TNIK: variants seen among roughly 807,000 people sequenced by gnomAD.
TNIK encodes TRAF2 and NCK-interacting protein kinase.
Under a neutral mutation model 191.3 loss-of-function variants are expected in TNIK, and 49 were observed. That is an observed-to-expected ratio of 0.26 (90% CI 0.20 to 0.32). TNIK has a LOEUF of 0.32. Among genes scored for constraint, TNIK ranks in the 10% least tolerant of loss-of-function variants. TNIK has a pLI of 1.00. For synonymous variants in TNIK, 594 were observed against 600.9 expected, an observed-to-expected ratio of 0.99 and a Z score of 0.17; for missense variants, 1,155 against 1,702.3, an observed-to-expected ratio of 0.68 and a Z score of 5.66.
At chr3:171,421,097 GAT>G (rs1167085287) in intron 1 of TNIK, among the ~76,000 whole-genome samples, 2 of 152,166 alleles carry the variant, frequency 1.3e-5, no homozygotes, top group African/African-American at 4.8e-5. Context: ...CCATCACTAA[GAT>G]ATGAAAGACC....
intron 28 of TNIK, among the ~76,000 whole-genome samples, chr3:171,076,169 T>C (rs1355750826): frequency 6.6e-6 from 1 of 152,044 alleles, no homozygotes; most frequent in Non-Finnish European, 1.5e-5. Flanking sequence ...GAGGAACATG[T>C]CCTTCTCAGG....
intron 32 of TNIK, 65 bp from the exon 33 acceptor site, chr3:171,064,029 C>T: frequency 6.7e-7 from 1 of 1,501,688 alleles, no homozygotes; most frequent in Non-Finnish European, 9.2e-7. Flanking sequence ...CTTCAACCGT[C>T]CATCCATTTT....
At chr3:171,433,067 CTT>C (rs1725563783) in intron 1 of TNIK, among the ~76,000 whole-genome samples, 1 of 152,082 alleles carries the variant, frequency 6.6e-6, no homozygotes, top group African/African-American at 2.4e-5. Flanking sequence ...TAAAATTTAA[CTT>C]GACTCTTTTT....
intron 12 of TNIK, among the ~76,000 whole-genome samples, chr3:171,153,494 T>G (rs1332335846): frequency 6.6e-6 from 1 of 152,216 alleles, no homozygotes; most frequent in East Asian, 1.9e-4. Flanking sequence ...GTCCACAGGC[T>G]ACATTTGTCT....
rs760319253 is a variant in TNIK at position 171,264,067 on chromosome 3, TACACACACACACAC to T, written c.124-35860_124-35847del. On this transcript the variant is annotated intron_variant, in intron 2 of 32. Transcript: ENST00000436636. Reference sequence around the variant, plus strand: ...ATATGTGTGTGTGTATATATATACATACACACACACACACACACACACACACACACACACACACA... The same window carrying T: ...ATATGTGTGTGTGTATATATATACATACACACACACACACACACACACACA... Among the ~76,000 whole-genome samples, 101 of 110,818 alleles carry T rather than the reference TACACACACACACAC, an allele frequency of 9.1e-4. No individual in the cohort carries two copies. In the South Asian group the frequency reaches 0.01, roughly 11 times the overall value. The allele number at this position is 110,818 out of a possible 152,430, so 72.7% of individuals were successfully genotyped here.
intron 1 of TNIK, among the ~76,000 whole-genome samples, chr3:171,451,061 C>T (rs1256871756): frequency 6.6e-6 from 1 of 152,190 alleles, no homozygotes; most frequent in Non-Finnish European, 1.5e-5. Context: ...TAAGAGGGCC[C>T]TCAGTGACTT....
chr3:171,415,673 G>A (rs1722952525), intron 1 of TNIK, among the ~76,000 whole-genome samples: 1 of 151,934 alleles, frequency 6.6e-6, no homozygotes, highest in Non-Finnish European at 1.5e-5. Flanking sequence ...TGGACCTAAT[G>A]CCAATCAGTT....
chr3:171,068,709 A>T, intron 30 of TNIK, 139 bp downstream of exon 30: 1 of 710,106 alleles, frequency 1.4e-6, no homozygotes, highest in Non-Finnish European at 2.0e-6. Context: ...TAAAAGCAGT[A>T]TACTTAATGA....
At chr3:171,236,364 T>C (rs985476233) in intron 2 of TNIK, among the ~76,000 whole-genome samples, 3 of 152,208 alleles carry the variant, frequency 2.0e-5, no homozygotes, top group Non-Finnish European at 4.4e-5. Context: ...GGGAAAGCTA[T>C]GTGATCTGAT....
intron 2 of TNIK, among the ~76,000 whole-genome samples, chr3:171,288,636 G>A (rs1257752857): frequency 2.0e-5 from 3 of 151,872 alleles, no homozygotes; most frequent in Non-Finnish European, 2.9e-5. Context: ...GTAAAACCCC[G>A]TCTCTACTAA....
At chr3:171,177,109 C>CT (rs80076554) in intron 8 of TNIK, among the ~76,000 whole-genome samples, 16,170 of 145,672 alleles carry the variant, frequency 0.11, 1,159 homozygotes, top group African/African-American at 0.22. Flanking sequence ...CTTTTTCTTC[C>CT]TTTTTTTTTT....
intron 16 of TNIK, among the ~76,000 whole-genome samples, chr3:171,126,902 T>C (rs1057189513): frequency 2.0e-5 from 3 of 152,242 alleles, no homozygotes; most frequent in East Asian, 1.9e-4. Context: ...TTCAGCGAAG[T>C]TGTGGCTCTT....
intron 1 of TNIK, among the ~76,000 whole-genome samples, chr3:171,446,759 C>T (rs555120523): frequency 6.6e-6 from 1 of 152,186 alleles, no homozygotes; most frequent in African/African-American, 2.4e-5. Flanking sequence ...CTATCATGGC[C>T]GTAGCTCACC....
intron 1 of TNIK, among the ~76,000 whole-genome samples, chr3:171,396,181 A>G (rs1720230799): frequency 1.3e-5 from 2 of 151,766 alleles, no homozygotes; most frequent in South Asian, 4.2e-4. Context: ...TGTCCTGGAC[A>G]TTCCATAAGA....
At chr3:171,236,415 T>G (rs918053854) in intron 2 of TNIK, among the ~76,000 whole-genome samples, 1 of 152,226 alleles carries the variant, frequency 6.6e-6, no homozygotes, top group Non-Finnish European at 1.5e-5. Flanking sequence ...TTGTTTTCTT[T>G]TCCAAGTGTT....
intron 2 of TNIK, among the ~76,000 whole-genome samples, chr3:171,280,818 G>A (rs1750341210): frequency 6.6e-6 from 1 of 151,990 alleles, no homozygotes; most frequent in African/African-American, 2.4e-5. Flanking sequence ...CCATAAATCA[G>A]AGCTAATACT....
At chr3:171,334,603 C>CT (rs1756761859) in intron 2 of TNIK, among the ~76,000 whole-genome samples, 1 of 152,200 alleles carries the variant, frequency 6.6e-6, no homozygotes, top group African/African-American at 2.4e-5. Context: ...TACCTTCTGG[C>CT]TCATTCCGTT....
chr3:171,290,128 T>A (rs1751518269), intron 2 of TNIK, among the ~76,000 whole-genome samples: 1 of 152,198 alleles, frequency 6.6e-6, no homozygotes, highest in Non-Finnish European at 1.5e-5. Context: ...CTTGTAGCAC[T>A]TTGGGCTCTT....
chr3:171,071,377 G>T (rs1719152825), intron 28 of TNIK, 54 bp from the exon 29 acceptor site: 1 of 1,234,170 alleles, frequency 8.1e-7, no homozygotes, highest in South Asian at 1.4e-5. Flanking sequence ...CAAGTTCTTT[G>T]TATTAATATT....
Sources: allele counts gnomAD v4.1 joint callset (sites outside exome capture counted in the v4.1 genomes callset), GRCh38; gene constraint gnomAD v4.1.1; transcripts MANE v1.5; gene names NCBI Gene and HGNC (gene_info 2026-07-23, HGNC 2026-07-21).